The following GPR158 variants were observed in gnomAD, a reference collection of about 807,000 sequenced individuals.
GPR158 encodes G protein-coupled receptor 158.
Under a neutral mutation model 78.2 loss-of-function variants are expected in GPR158, and 30 were observed. The ratio of observed to expected loss-of-function variants is 0.38; its 90% CI spans 0.29 to 0.52. GPR158 has a LOEUF of 0.52. Among genes scored for constraint, GPR158 ranks in the 20% least tolerant of loss-of-function variants. The pLI is 0.83. For missense variants in GPR158, 1,463 were observed against 1,523.5 expected (o/e 0.96, Z 0.66); for synonymous variants, 581 against 591.1 (o/e 0.98, Z 0.25).
In GPR158 at chr10:25,175,247, T is replaced by C; in HGVS notation, c.-174T>C. On this transcript the variant is annotated 5_prime_UTR_variant, in exon 1 of 11. Transcript: ENST00000376351. The surrounding 1 kb of genome is among the most constrained non-coding windows in gnomAD (Gnocchi z 6.4). ...TGACTTGATTTCTGCGACGGTAGCT[T>C]AGCCACCCGGGGCCAATCTCGAAAC... 1.9e-6 allele frequency: 1 copy of C among 532,068 alleles called. No individual in the cohort carries two copies. The highest frequency in any genetic ancestry group is 3.3e-6 in the Non-Finnish European group (1 of 303,594). 33.0% of individuals were successfully genotyped at this position (532,068 alleles called of 1,614,324 possible). A position where few individuals can be genotyped will look rare whatever the true frequency, so the allele number is the denominator to read the frequency against.
intron 5 of GPR158, among the ~76,000 whole-genome samples, chr10:25,537,543 T>C (rs1836516524): frequency 6.6e-6 from 1 of 152,138 alleles, no homozygotes; most frequent in South Asian, 2.1e-4. Flanking sequence ...GTGTGTTATG[T>C]ATATACACAC....
chr10:25,308,290 G>T (rs1333195681), intron 2 of GPR158, among the ~76,000 whole-genome samples: 1 of 151,912 alleles, frequency 6.6e-6, no homozygotes, highest in Non-Finnish European at 1.5e-5. Context: ...TTTTCCTAAT[G>T]CTCTCCCGAC....
At chr10:25,263,556 A>C (rs1180766664) in intron 2 of GPR158, among the ~76,000 whole-genome samples, 2 of 152,040 alleles carry the variant, frequency 1.3e-5, no homozygotes, top group Non-Finnish European at 1.5e-5. Flanking sequence ...TTCGTGCTTA[A>C]AGATGCTGCT....
chr10:25,228,502 T>G (rs1170533468), intron 2 of GPR158, among the ~76,000 whole-genome samples: 1 of 152,178 alleles, frequency 6.6e-6, no homozygotes, highest in Non-Finnish European at 1.5e-5. Context: ...CATTCCTTGA[T>G]GTAGAATGAT....
rs954386721 is a variant in GPR158, at chr10:25,427,497, T to C, written c.1335+15024T>C. ...CATAATAGTTTCTTTCAGTCAGTAT[T>C]GTATCTACCTATAAAATTTCCCATT... On this transcript the variant is annotated intron_variant, in intron 4 of 10. Transcript: ENST00000376351. 7.9e-5 allele frequency among the ~76,000 whole-genome samples: 12 copies of C among 152,210 alleles called. No individual in the cohort carries two copies. In the South Asian group the frequency reaches 1.0e-3, roughly 13 times the overall value.
intron 7 of GPR158, among the ~76,000 whole-genome samples, chr10:25,577,108 C>T (rs1564495299): frequency 6.6e-6 from 1 of 152,050 alleles, no homozygotes; most frequent in African/African-American, 2.4e-5. Context: ...ATTTATTTCT[C>T]TTTCAGCATG....
At chr10:25,566,579 A>G (rs1220809683) in intron 6 of GPR158, among the ~76,000 whole-genome samples, 4 of 152,220 alleles carry the variant, frequency 2.6e-5, no homozygotes, top group Admixed American at 6.5e-5. Flanking sequence ...AGGAAAAACA[A>G]TGTGAGATAT....
intron 5 of GPR158, among the ~76,000 whole-genome samples, chr10:25,542,533 C>G (rs948618007): frequency 6.6e-5 from 10 of 150,732 alleles, no homozygotes; most frequent in Non-Finnish European, 3.0e-5. Context: ...TAAAAATGTT[C>G]TTCTATGGGC....
chr10:25,378,266 T>G (rs146699902), intron 2 of GPR158, among the ~76,000 whole-genome samples: 220 of 152,294 alleles, frequency 1.4e-3, no homozygotes, highest in Middle Eastern at 6.8e-3. Flanking sequence ...TATTCTGATT[T>G]CTAAGAGCAT....
At chr10:25,367,035 GTTT>G (rs1267633561) in intron 2 of GPR158, among the ~76,000 whole-genome samples, 2 of 151,638 alleles carry the variant, frequency 1.3e-5, no homozygotes, top group South Asian at 2.1e-4. Context: ...TTGATCAAAA[GTTT>G]TTAATTTTAA....
intron 2 of GPR158, among the ~76,000 whole-genome samples, chr10:25,323,136 C>T (rs977777270): frequency 6.6e-5 from 10 of 152,104 alleles, no homozygotes; most frequent in African/African-American, 1.7e-4. Flanking sequence ...TGAGCCACCG[C>T]GCCTGGCCTC....
At chr10:25,510,706 T>C (rs1836073977) in intron 5 of GPR158, among the ~76,000 whole-genome samples, 1 of 152,214 alleles carries the variant, frequency 6.6e-6, no homozygotes, top group South Asian at 2.1e-4. Flanking sequence ...TCAACCCTGC[T>C]GCCACCCTTT....
At chr10:25,551,674 C>A (rs753761503) in intron 6 of GPR158, among the ~76,000 whole-genome samples, 2 of 152,108 alleles carry the variant, frequency 1.3e-5, no homozygotes, top group Non-Finnish European at 2.9e-5. Context: ...GGGGAAGCAA[C>A]AAAATGAACT....
At chr10:25,436,329 T>C (rs1040988652) in intron 4 of GPR158, among the ~76,000 whole-genome samples, 1 of 152,168 alleles carries the variant, frequency 6.6e-6, no homozygotes, top group African/African-American at 2.4e-5. Context: ...AAATGCCAAG[T>C]GGGCAGGTAG....
chr10:25,514,710 G>A (rs1052808915), intron 5 of GPR158, among the ~76,000 whole-genome samples: 1 of 152,072 alleles, frequency 6.6e-6, no homozygotes, highest in Admixed American at 6.6e-5. Flanking sequence ...GTGCTGGCTT[G>A]GTTGTGAATT....
intron 2 of GPR158, among the ~76,000 whole-genome samples, chr10:25,310,574 G>T (rs1854748302): frequency 6.6e-6 from 1 of 152,014 alleles, no homozygotes; most frequent in Non-Finnish European, 1.5e-5. Flanking sequence ...TCAGCAATGT[G>T]TTGTGGTTTT....
intron 1 of GPR158, among the ~76,000 whole-genome samples, chr10:25,204,368 C>G (rs1450534852): frequency 1.3e-5 from 2 of 152,130 alleles, no homozygotes; most frequent in African/African-American, 4.8e-5. Flanking sequence ...TTTGCCCATT[C>G]AGTATGATAT....
At chr10:25,385,754 C>G (rs532129033) in intron 2 of GPR158, among the ~76,000 whole-genome samples, 1 of 151,946 alleles carries the variant, frequency 6.6e-6, no homozygotes, top group Non-Finnish European at 1.5e-5. Flanking sequence ...GCTTATTGGC[C>G]ATTGGTATAT....
At chr10:25,463,810 A>C (rs1313362869) in intron 4 of GPR158, among the ~76,000 whole-genome samples, 1 of 152,060 alleles carries the variant, frequency 6.6e-6, no homozygotes, top group Non-Finnish European at 1.5e-5. Context: ...TGAACTTGTC[A>C]ATGTATTACT....
Sources: gnomAD v4.1 joint callset for allele counts (sites outside exome capture counted in the v4.1 genomes callset) on GRCh38, gnomAD v4.1.1 for gene constraint, Gnocchi (gnomAD v3.1) non-coding constraint, MANE v1.5 for transcripts, NCBI Gene and HGNC (gene_info 2026-07-23, HGNC 2026-07-21) for gene names.